The following AGTRAP variants were observed in gnomAD, a reference collection of about 807,000 sequenced individuals.
AGTRAP encodes angiotensin II receptor associated protein, also known as type-1 angiotensin II receptor-associated protein.
AGTRAP carries 7 observed loss-of-function variants against 15.2 expected under a neutral mutation model. The ratio of observed to expected loss-of-function variants is 0.46; its 90% CI spans 0.26 to 0.87. AGTRAP has a LOEUF of 0.87. AGTRAP is among the 40% of genes least tolerant of loss of function. The pLI is 0.15. For synonymous variants in AGTRAP, 74 were observed against 89.6 expected (o/e 0.83, Z 0.98); for missense variants, 187 against 213.4 (o/e 0.88, Z 0.77).
chr1:11,749,012 A>G (rs542210184), intron 4 of AGTRAP, among the ~76,000 whole-genome samples: 2 of 152,200 alleles, frequency 1.3e-5, no homozygotes, highest in Admixed American at 1.3e-4. Context: ...TTCCTGCCAC[A>G]TGGGGTCTTC....
Position 11,745,398 on chromosome 1 carries a change from T to G in AGTRAP, c.28-405T>G, listed in dbSNP as rs1321794282. On this transcript the variant is annotated intron_variant, in intron 1 of 4. Coordinates refer to ENST00000314340, the MANE Select transcript of AGTRAP (RefSeq NM_020350.5). This position sits in a 1 kb window ranked among gnomAD's most constrained non-coding sequence, Gnocchi z 4.2. ...ACCCGTTTTGTCAGCAAGGTCTTTA[T>G]GACCTGTACCTTGTGCTGACCTCCT... 1.3e-5 allele frequency among the ~76,000 whole-genome samples: 2 copies of G among 152,218 alleles called. No homozygotes were observed. Among genetic ancestry groups the G allele is most frequent in the Non-Finnish European group, 2.9e-5 (2 of 68,030 alleles).
chr1:11,744,490 T>C (rs1263827955), intron 1 of AGTRAP: 1 of 711,348 alleles, frequency 1.4e-6, no homozygotes, highest in East Asian at 2.7e-5. Context: ...CTTTGCCCGC[T>C]CTCTCCAGCC....
Position 11,745,541 on chromosome 1 carries a change from C to T in AGTRAP, c.28-262C>T, listed in dbSNP as rs895638106. On this transcript the variant is annotated intron_variant, in intron 1 of 4. Transcript: ENST00000314340. The surrounding 1 kb of genome is among the most constrained non-coding windows in gnomAD (Gnocchi z 4.2). ...ATTGCTCTGGTTCATACGCCTCTGA[C>T]GCTTGGAAGGGGTGTGGGTGTCAGC... Among the ~76,000 whole-genome samples, 6 of 152,154 alleles carry T rather than the reference C, an allele frequency of 3.9e-5. No individual in the cohort carries two copies. The highest frequency in any genetic ancestry group is 1.2e-4 in the African/African-American group (5 of 41,422).
chr1:11,746,126 G>T, intron 2 of AGTRAP: 1 of 1,613,234 alleles, frequency 6.2e-7, no homozygotes, highest in Non-Finnish European at 8.5e-7. Context: ...AATCTGTTGA[G>T]CTTCTGGAGA....
chr1:11,740,605 T>A (rs1468386244), intron 1 of AGTRAP, among the ~76,000 whole-genome samples: 1 of 152,176 alleles, frequency 6.6e-6, no homozygotes, highest in Non-Finnish European at 1.5e-5. Flanking sequence ...AGGAAAAGCC[T>A]TTACCTCATA....
At chr1:11,742,922 C>T (rs562638654) in intron 1 of AGTRAP, among the ~76,000 whole-genome samples, 124 of 152,362 alleles carry the variant, frequency 8.1e-4, no homozygotes, top group African/African-American at 2.9e-3. Flanking sequence ...CCCATGTCTG[C>T]GCCAGGACAC....
At chr1:11,743,921 G>A (rs12734588) in intron 1 of AGTRAP, among the ~76,000 whole-genome samples, 5 of 152,102 alleles carry the variant, frequency 3.3e-5, no homozygotes, top group Non-Finnish European at 7.4e-5. Flanking sequence ...ATGTCCCGGA[G>A]TAGAGACCAG....
intron 4 of AGTRAP, among the ~76,000 whole-genome samples, chr1:11,749,622 G>A (rs1304348802): frequency 6.6e-6 from 1 of 152,218 alleles, no homozygotes; most frequent in African/African-American, 2.4e-5. Flanking sequence ...ATATGGTAAT[G>A]TGGTGTCCTT....
At chr1:11,736,883 G>A (rs1641912717) in intron 1 of AGTRAP, among the ~76,000 whole-genome samples, 1 of 152,140 alleles carries the variant, frequency 6.6e-6, no homozygotes. Flanking sequence ...CCGGGTCTGG[G>A]TGCCAGCGGC....
At position 11,745,861 on chromosome 1, in the gene AGTRAP, G is replaced by A. The variant is rs1377921807; in HGVS notation, c.62+24G>A. 4.3e-6 allele frequency: 7 copies of A among 1,613,778 alleles called. No individual in the cohort carries two copies. The highest frequency in any genetic ancestry group is 5.9e-6 in the Non-Finnish European group (7 of 1,179,884). On this transcript the variant is annotated intron_variant, in intron 2 of 4. Transcript: ENST00000314340. This position sits in a 1 kb window ranked among gnomAD's most constrained non-coding sequence, Gnocchi z 4.2. ...TGGTAAGTGACTCTGTGGGTATCTT[G>A]TGTGTCTCCTGCGGTCTCAGGGTCT...
Position 11,745,930 on chromosome 1 carries a change from G to A in AGTRAP, c.62+93G>A, listed in dbSNP as rs530604897. 2.1e-5 allele frequency: 33 copies of A among 1,540,452 alleles called. No individual in the cohort carries two copies. In the African/African-American group the frequency reaches 4.1e-4, roughly 19 times the overall value. ...CCTGGTTCTGCCGTGTTTTAACCAG[G>A]TCACTTTGGGCCAGACAGCTCTGCC... is the stretch of plus-strand genomic sequence containing the variant. On this transcript the variant is annotated intron_variant, in intron 2 of 4. Coordinates refer to ENST00000314340, the MANE Select transcript of AGTRAP (RefSeq NM_020350.5). The surrounding 1 kb of genome is among the most constrained non-coding windows in gnomAD (Gnocchi z 4.2).
At chr1:11,742,006 C>A (rs1194414267) in intron 1 of AGTRAP, among the ~76,000 whole-genome samples, 1 of 152,188 alleles carries the variant, frequency 6.6e-6, no homozygotes, top group Non-Finnish European at 1.5e-5. Context: ...TTCACTCTGG[C>A]CCTGGGCCCT....
At position 11,745,793 on chromosome 1, in the gene AGTRAP, T is replaced by C. The variant is rs754428071; in HGVS notation, c.28-10T>C. ...CACAGACCTCTTCTCTCCCCCTTGTTGTGCCACAGGTGATTCTCCTAGGTC... is the reference window on the plus strand; with the variant it reads ...CACAGACCTCTTCTCTCCCCCTTGTCGTGCCACAGGTGATTCTCCTAGGTC... On this transcript the variant is annotated splice_polypyrimidine_tract_variant and intron_variant, in intron 1 of 4. Coordinates refer to ENST00000314340, the MANE Select transcript of AGTRAP (RefSeq NM_020350.5). This position sits in a 1 kb window ranked among gnomAD's most constrained non-coding sequence, Gnocchi z 4.2. The C allele has an allele frequency of 2.5e-6, 4 of 1,614,040 alleles. No individual in the cohort carries two copies. The African/African-American group carries it at 4.0e-5, about 16-fold the overall frequency.
At chr1:11,739,542 ACT>A (rs1285342435) in intron 1 of AGTRAP, among the ~76,000 whole-genome samples, 1 of 152,082 alleles carries the variant, frequency 6.6e-6, no homozygotes, top group African/African-American at 2.4e-5. Flanking sequence ...ACAGAGCAAG[ACT>A]CTGTCTCAAA....
intron 1 of AGTRAP, among the ~76,000 whole-genome samples, chr1:11,744,898 A>G (rs1642123330): frequency 6.6e-6 from 1 of 152,212 alleles, no homozygotes; most frequent in African/African-American, 2.4e-5. Flanking sequence ...CTCGTCGCCC[A>G]GGCTGGAGTG....
rs939292654 is a variant in AGTRAP, at chr1:11,737,736, G to A, written c.27+1501G>A. On this transcript the variant is annotated intron_variant, in intron 1 of 4. Coordinates refer to ENST00000314340, the MANE Select transcript of AGTRAP (RefSeq NM_020350.5). ...CTTTGGGAGGGCTTAGTCTCTTTGG[G>A]GCTTTTTTTGAGCAACTTTTTGGGC... Among the ~76,000 whole-genome samples, 12 of 152,216 alleles carry A rather than the reference G, an allele frequency of 7.9e-5. No individual in the cohort carries two copies. In the South Asian group the frequency reaches 1.2e-3, roughly 16 times the overall value.
At chr1:11,736,500 TC>T (rs746525840) in intron 1 of AGTRAP, among the ~76,000 whole-genome samples, 60 of 152,252 alleles carry the variant, frequency 3.9e-4, no homozygotes, top group Admixed American at 7.8e-4. Context: ...ACTCAGACCC[TC>T]CCAGCGGGCA....
chr1:11,743,775 A>G (rs529045041), intron 1 of AGTRAP, among the ~76,000 whole-genome samples: 7 of 151,840 alleles, frequency 4.6e-5, no homozygotes, highest in Non-Finnish European at 1.0e-4. Context: ...CATGCTGGTC[A>G]GGCTGATCTC....
At chr1:11,737,573 T>A (rs1480179473) in intron 1 of AGTRAP, among the ~76,000 whole-genome samples, 1 of 152,180 alleles carries the variant, frequency 6.6e-6, no homozygotes, top group Non-Finnish European at 1.5e-5. Flanking sequence ...AACTTCAGCT[T>A]AGACTGGGTA....
Sources: allele counts gnomAD v4.1 joint callset (sites outside exome capture counted in the v4.1 genomes callset), GRCh38; gene constraint gnomAD v4.1.1; non-coding constraint Gnocchi (gnomAD v3.1); transcripts MANE v1.5; gene names NCBI Gene and HGNC (gene_info 2026-07-23, HGNC 2026-07-21).